CEMIP: variants seen among roughly 807,000 people sequenced by gnomAD.
CEMIP encodes the protein cell migration-inducing and hyaluronan-binding protein.
CEMIP carries 105 observed loss-of-function variants against 156.9 expected under a neutral mutation model. The ratio of observed to expected loss-of-function variants is 0.67; its 90% CI spans 0.57 to 0.79. The LOEUF is 0.79. CEMIP is among the 30% of genes least tolerant of loss of function. The pLI, the probability that CEMIP is intolerant of heterozygous loss-of-function variation, is 0.00. For missense variants in CEMIP, 1,457 were observed against 1,769.4 expected, an observed-to-expected ratio of 0.82 and a Z score of 3.17; for synonymous variants, 676 against 668.4, an observed-to-expected ratio of 1.01 and a Z score of -0.17.
intron 19 of CEMIP, among the ~76,000 whole-genome samples, chr15:80,926,634 T>A (rs1900681217): frequency 6.6e-6 from 1 of 151,786 alleles, no homozygotes; most frequent in South Asian, 2.1e-4. Flanking sequence ...AGAAACTGAC[T>A]TAGCATTGGA....
chr15:80,901,349 A>T lies in CEMIP; in HGVS notation c.1411+5289A>T, dbSNP rs981617745. 1.1e-4 allele frequency among the ~76,000 whole-genome samples: 16 copies of T among 152,226 alleles called. 1 individual carries two copies. The highest frequency in any genetic ancestry group is 3.4e-4 in the African/African-American group (14 of 41,450). Reference sequence around the variant, plus strand: ...AATATCTAGACATTTAATTTCCAATATGGTGGCCACGAGCCACATGTGGCT... The same window carrying T: ...AATATCTAGACATTTAATTTCCAATTTGGTGGCCACGAGCCACATGTGGCT... On this transcript the variant is annotated intron_variant, in intron 12 of 29. Transcript: ENST00000394685.
intron 1 of CEMIP, among the ~76,000 whole-genome samples, chr15:80,871,370 G>T (rs1898285792): frequency 6.6e-6 from 1 of 152,180 alleles, no homozygotes; most frequent in South Asian, 2.1e-4. Context: ...AGGGGGTTGA[G>T]CATTATTCCT....
chr15:80,889,098 A>C (rs1329006298), intron 9 of CEMIP, among the ~76,000 whole-genome samples: 1 of 152,238 alleles, frequency 6.6e-6, no homozygotes, highest in Non-Finnish European at 1.5e-5. Flanking sequence ...CAGGAAATGC[A>C]GATAGGAATA....
At chr15:80,820,002 T>G (rs1042768064) in intron 1 of CEMIP, among the ~76,000 whole-genome samples, 1 of 152,188 alleles carries the variant, frequency 6.6e-6, no homozygotes, top group African/African-American at 2.4e-5. Flanking sequence ...GTGGCCAGCA[T>G]GACAAGGGTG....
At chr15:80,935,977 A>G (rs1196893989) in intron 23 of CEMIP, among the ~76,000 whole-genome samples, 2 of 152,192 alleles carry the variant, frequency 1.3e-5, no homozygotes, top group African/African-American at 4.8e-5. Context: ...ACCTCAGGTG[A>G]TCCACCCGCC....
At chr15:80,943,813 C>CTCT (rs1901434945) in intron 28 of CEMIP, among the ~76,000 whole-genome samples, 1 of 152,222 alleles carries the variant, frequency 6.6e-6, no homozygotes, top group Non-Finnish European at 1.5e-5. Flanking sequence ...ACGGGCCTCC[C>CTCT]TCTTCCAGTT....
At chr15:80,839,000 T>A (rs988378200) in intron 1 of CEMIP, among the ~76,000 whole-genome samples, 3 of 152,166 alleles carry the variant, frequency 2.0e-5, no homozygotes, top group Non-Finnish European at 4.4e-5. Flanking sequence ...TGTCCAGCAC[T>A]CAGGAGCTGA....
At position 80,858,329 on chromosome 15, in the gene CEMIP, A is replaced by C. The variant is rs145775377; in HGVS notation, c.-175-15209A>C. On this transcript the variant is annotated intron_variant, in intron 1 of 29. Transcript: ENST00000394685. ...ACTGCATGTTTTGGGGACATGATAC[A>C]ATTGAGGAAAATAAGTATTCTTTTC... 5.6e-3 allele frequency among the ~76,000 whole-genome samples: 848 copies of C among 152,308 alleles called. 7 individuals carry two copies. The highest frequency in any genetic ancestry group is 0.02 in the African/African-American group (812 of 41,556).
chr15:80,883,323 T>C (rs1345127814), intron 6 of CEMIP, among the ~76,000 whole-genome samples: 1 of 152,296 alleles, frequency 6.6e-6, no homozygotes, highest in African/African-American at 2.4e-5. Flanking sequence ...TTCATGGATA[T>C]TTTACGTGTA....
At chr15:80,823,570 A>G (rs1896958644) in intron 1 of CEMIP, among the ~76,000 whole-genome samples, 1 of 152,098 alleles carries the variant, frequency 6.6e-6, no homozygotes, top group South Asian at 2.1e-4. Context: ...CCCCTTCTGT[A>G]ATCCTCAAAC....
intron 1 of CEMIP, among the ~76,000 whole-genome samples, chr15:80,824,525 C>A (rs991667101): frequency 6.6e-6 from 1 of 152,132 alleles, no homozygotes; most frequent in Non-Finnish European, 1.5e-5. Context: ...TGCTCCAGAC[C>A]CGCAGCCTCT....
At chr15:80,905,855 G>A (rs1479764479) in intron 12 of CEMIP, among the ~76,000 whole-genome samples, 2 of 152,120 alleles carry the variant, frequency 1.3e-5, no homozygotes, top group African/African-American at 2.4e-5. Context: ...CCTCTCCACC[G>A]ACACCAGAGG....
intron 1 of CEMIP, among the ~76,000 whole-genome samples, chr15:80,808,473 C>A (rs953885553): frequency 6.6e-6 from 1 of 152,148 alleles, no homozygotes; most frequent in African/African-American, 2.4e-5. Context: ...ATAGAGCTGA[C>A]CTATGAGATT....
At chr15:80,888,663 G>A in intron 8 of CEMIP, 38 bp from the exon 9 acceptor site, 1 of 1,582,400 alleles carries the variant, frequency 6.3e-7, no homozygotes, top group Non-Finnish European at 8.7e-7. Context: ...GAATTTGGGG[G>A]TCTGTCCAGC....
chr15:80,931,445 T>C (rs1436567245), intron 21 of CEMIP, among the ~76,000 whole-genome samples: 4 of 152,124 alleles, frequency 2.6e-5, no homozygotes. Context: ...AAACATAATA[T>C]TGGCACGCTC....
chr15:80,912,187 G>T (rs573169256), intron 14 of CEMIP, among the ~76,000 whole-genome samples: 22 of 152,358 alleles, frequency 1.4e-4, no homozygotes, highest in African/African-American at 5.3e-4. Context: ...ATAGGCTGGG[G>T]GAGTGAGAGA....
At chr15:80,862,410 G>T (rs1397243225) in intron 1 of CEMIP, among the ~76,000 whole-genome samples, 1 of 152,220 alleles carries the variant, frequency 6.6e-6, no homozygotes, top group Non-Finnish European at 1.5e-5. Context: ...CAGACTCAAA[G>T]TCGGGGCTGG....
intron 1 of CEMIP, among the ~76,000 whole-genome samples, chr15:80,806,131 A>G (rs1896507168): frequency 1.3e-5 from 2 of 152,216 alleles, no homozygotes; most frequent in Admixed American, 6.5e-5. Context: ...ATCTTATAAC[A>G]CATTTTATTG....
chr15:80,884,450 C>G, intron 7 of CEMIP, 96 bp downstream of exon 7: 2 of 1,266,048 alleles, frequency 1.6e-6, no homozygotes, highest in South Asian at 1.2e-5. Context: ...CTCCCCACAG[C>G]CGTACCATCC....
Sources: allele counts gnomAD v4.1 joint callset (sites outside exome capture counted in the v4.1 genomes callset), GRCh38; gene constraint gnomAD v4.1.1; transcripts MANE v1.5; gene names NCBI Gene and HGNC (gene_info 2026-07-23, HGNC 2026-07-21).